ALDH4A1: variants seen among roughly 807,000 people sequenced by gnomAD.
ALDH4A1 encodes aldehyde dehydrogenase 4 family member A1.
ALDH4A1 carries 46 observed loss-of-function variants against 70.5 expected under a neutral mutation model. That is an observed-to-expected ratio of 0.65 (90% CI 0.51 to 0.83). The LOEUF is 0.83. Among genes scored for constraint, ALDH4A1 ranks in the 40% least tolerant of loss-of-function variants. The pLI, the probability that ALDH4A1 is intolerant of heterozygous loss-of-function variation, is 0.00. For missense variants in ALDH4A1, 749 were observed against 766.5 expected (o/e 0.98, Z 0.27); for synonymous variants, 323 against 324.3 (o/e 1.00, Z 0.04).
intron 1 of ALDH4A1, among the ~76,000 whole-genome samples, chr1:18,890,491 G>C (rs1471436834): frequency 1.6e-4 from 25 of 152,178 alleles, no homozygotes; most frequent in Admixed American, 1.6e-3. Flanking sequence ...AGGTTGCAGT[G>C]AGCCGAGATC....
chr1:18,898,832 A>C lies in ALDH4A1; in HGVS notation c.62+3630T>G, dbSNP rs1035150028. ...AGGGCACAGGAGGCAGGCTGCTCCC[A>C]GGGGTGCCACTGCCAAGCACTGCCT... On this transcript the variant is annotated intron_variant, in intron 1 of 14. Coordinates refer to ENST00000375341, the MANE Select transcript of ALDH4A1 (RefSeq NM_003748.4). This position sits in a 1 kb window ranked among gnomAD's most constrained non-coding sequence, Gnocchi z 4.3. 1.3e-5 allele frequency among the ~76,000 whole-genome samples: 2 copies of C among 152,232 alleles called. No individual in the cohort carries two copies. The highest frequency in any genetic ancestry group is 4.8e-5 in the African/African-American group (2 of 41,460).
In ALDH4A1 at chr1:18,898,525, GATC is replaced by G. The variant is rs1935697564; in HGVS notation, c.62+3934_62+3936del. Among the ~76,000 whole-genome samples the G allele has an allele frequency of 6.6e-6, 1 of 152,202 alleles. No homozygotes were observed. Among genetic ancestry groups the G allele is most frequent in the Non-Finnish European group, 1.5e-5 (1 of 68,032 alleles). On this transcript the variant is annotated intron_variant, in intron 1 of 14. Coordinates refer to ENST00000375341, the MANE Select transcript of ALDH4A1 (RefSeq NM_003748.4). The surrounding 1 kb of genome is among the most constrained non-coding windows in gnomAD (Gnocchi z 4.3). ...AGGAAGCCCATTGGTGGGAGAGGGGGATCATCATAACCACAGCAGCACTTACTG... is the reference window on the plus strand; with the variant it reads ...AGGAAGCCCATTGGTGGGAGAGGGGGATCATAACCACAGCAGCACTTACTG...
chr1:18,872,954 G>T lies in ALDH4A1; in HGVS notation c.1583C>A (p.Thr528Asn), dbSNP rs61757683. The T allele has an allele frequency of 0.022, 36,164 of 1,613,640 alleles. 484 individuals carry two copies. The highest frequency in any genetic ancestry group is 0.027 in the Non-Finnish European group (31,373 of 1,179,782). ...GTGTGGGCCCCCTGGCTTGTCATTG[G>T]TTCCTGCGGAAAAGACACTTCTGTT... ...QPFGGARASG[T>N]NDKPGGPHYI... Residue 528 changes from threonine (T) to asparagine (N), a missense_variant, in exon 15 of 15, where the codon ACC (threonine) becomes AAC (asparagine). Coordinates refer to ENST00000375341, the MANE Select transcript of ALDH4A1 (RefSeq NM_003748.4).
At chr1:18,874,723 C>G in intron 13 of ALDH4A1, 142 bp from the exon 14 acceptor site, 1 of 827,638 alleles carries the variant, frequency 1.2e-6, no homozygotes, top group Non-Finnish European at 2.0e-6. Context: ...ATGCTGCCAG[C>G]TGTTGGCTGT....
At position 18,885,622 on chromosome 1, in the gene ALDH4A1, G is replaced by T. The variant is rs765032899; in HGVS notation, c.304C>A (p.Leu102Ile). 3 of 1,613,870 alleles carry T rather than the reference G, an allele frequency of 1.9e-6. No individual in the cohort carries two copies. The highest frequency in any genetic ancestry group is 3.3e-5 in the Admixed American group (2 of 60,010). Residue 102 changes from leucine to isoleucine, a missense_variant, in exon 5 of 15, where the codon CTC (leucine) becomes ATC (isoleucine). Coordinates refer to ENST00000375341, the MANE Select transcript of ALDH4A1 (RefSeq NM_003748.4). Reference protein sequence around the residue: ...AKFCYADKSLLNKAIEAALAA... With the variant: ...AKFCYADKSLINKAIEAALAA... Reference sequence around the variant, plus strand: ...AGGGCAGCCTCAATGGCTTTGTTGAGCAGGCTCTAAAGGGAGAGGGAGAGG... The same window carrying T: ...AGGGCAGCCTCAATGGCTTTGTTGATCAGGCTCTAAAGGGAGAGGGAGAGG...
At chr1:18,892,954 C>CT (rs1419818951) in intron 1 of ALDH4A1, among the ~76,000 whole-genome samples, 2 of 152,250 alleles carry the variant, frequency 1.3e-5, no homozygotes, top group African/African-American at 4.8e-5. Flanking sequence ...TGTCAATCCC[C>CT]TGGGACCATC....
At chr1:18,885,427 T>TACCAACCCCCCCCCCCC in intron 5 of ALDH4A1, 46 bp downstream of exon 5, 1 of 650,922 alleles carries the variant, frequency 1.5e-6, no homozygotes, top group Non-Finnish European at 2.7e-6. Flanking sequence ...CACACCTGAC[T>TACCAACCCCCCCCCCCC]CCCACCCCAC....
At chr1:18,885,434 C>CCA in intron 5 of ALDH4A1, 39 bp downstream of exon 5, 1 of 593,534 alleles carries the variant, frequency 1.7e-6, no homozygotes, top group Non-Finnish European at 3.1e-6. Context: ...GACTCCCACC[C>CCA]CACCCCGCCC....
At position 18,886,452 on chromosome 1, in the gene ALDH4A1, A is replaced by G. The variant is rs1935205316; in HGVS notation, c.297+12T>C. 2 of 1,613,978 alleles carry G rather than the reference A, an allele frequency of 1.2e-6. No homozygotes were observed. Among genetic ancestry groups the G allele is most frequent in the African/African-American group, 2.7e-5 (2 of 74,934 alleles). On this transcript the variant is annotated intron_variant, in intron 4 of 14. Coordinates refer to ENST00000375341, the MANE Select transcript of ALDH4A1 (RefSeq NM_003748.4). ...CCTAACCCCGGGTCACCAGGCACAC[A>G]GGCTCACTCACCTTGTCTGCATAAC...
At chr1:18,891,758 T>C (rs973866045) in intron 1 of ALDH4A1, among the ~76,000 whole-genome samples, 3 of 152,184 alleles carry the variant, frequency 2.0e-5, no homozygotes, top group African/African-American at 7.2e-5. Context: ...CCCGGCATGG[T>C]GGCTCACACC....
chr1:18,902,340 T>C, intron 1 of ALDH4A1, 122 bp downstream of exon 1: 1 of 818,672 alleles, frequency 1.2e-6, no homozygotes, highest in East Asian at 3.5e-5. Context: ...GAACCCGGCG[T>C]TGACCGAGGC....
chr1:18,885,427 T>TACCACCCCCCCCCCCCCCCCCCCCCCCCC, intron 5 of ALDH4A1, 46 bp downstream of exon 5: 1 of 650,922 alleles, frequency 1.5e-6, no homozygotes, highest in East Asian at 3.2e-5. Flanking sequence ...CACACCTGAC[T>TACCACCCCCCCCCCCCCCCCCCCCCCCCC]CCCACCCCAC....
At chr1:18,899,727 A>G (rs1229765780) in intron 1 of ALDH4A1, among the ~76,000 whole-genome samples, 1 of 152,218 alleles carries the variant, frequency 6.6e-6, no homozygotes, top group East Asian at 1.9e-4. Flanking sequence ...TCCACATGAA[A>G]AGTAAATGGC....
At chr1:18,878,986 C>G (rs1401687256) in intron 9 of ALDH4A1, among the ~76,000 whole-genome samples, 4 of 152,334 alleles carry the variant, frequency 2.6e-5, no homozygotes, top group Non-Finnish European at 4.4e-5. Flanking sequence ...CCCGACACGG[C>G]AGCCACCAGC....
At chr1:18,876,692 T>C (rs899769010) in intron 11 of ALDH4A1, among the ~76,000 whole-genome samples, 3 of 151,430 alleles carry the variant, frequency 2.0e-5, no homozygotes, top group African/African-American at 4.9e-5. Context: ...CACACACAAG[T>C]GTACGTGTGT....
intron 1 of ALDH4A1, among the ~76,000 whole-genome samples, chr1:18,891,857 G>A (rs971104430): frequency 2.6e-5 from 4 of 151,934 alleles, no homozygotes; most frequent in African/African-American, 4.8e-5. Context: ...GTAAAACCCC[G>A]TCTCTACTAA....
Position 18,885,427 on chromosome 1 carries a change from T to TTCCCC in ALDH4A1, c.453+45_453+46insGGGGA. On this transcript the variant is annotated intron_variant, in intron 5 of 14. Transcript: ENST00000375341. ...CTGCCATGGGTAGGGCACACCTGAC[T>TTCCCC]CCCACCCCACCCCGCCCCACCCACC... The TTCCCC allele has an allele frequency of 9.5e-5, 62 of 650,918 alleles. 2 individuals carry two copies. Among genetic ancestry groups the TTCCCC allele is most frequent in the Non-Finnish European group, 1.4e-4 (52 of 367,428 alleles). 40.3% of individuals were successfully genotyped at this position (650,918 alleles called of 1,614,324 possible).
chr1:18,889,697 C>A (rs540742951), intron 2 of ALDH4A1, among the ~76,000 whole-genome samples: 2 of 152,196 alleles, frequency 1.3e-5, no homozygotes, highest in Non-Finnish European at 2.9e-5. Flanking sequence ...AAAAACTGCA[C>A]CTGAAACTTA....
intron 1 of ALDH4A1, among the ~76,000 whole-genome samples, chr1:18,896,200 G>T (rs918755606): frequency 2.0e-5 from 3 of 152,040 alleles, no homozygotes; most frequent in African/African-American, 7.2e-5. Flanking sequence ...TGCCCGCCAG[G>T]CCACAGGCTC....
Sources: allele counts gnomAD v4.1 joint callset (sites outside exome capture counted in the v4.1 genomes callset), GRCh38; gene constraint gnomAD v4.1.1; non-coding constraint Gnocchi (gnomAD v3.1); transcripts MANE v1.5; gene names NCBI Gene and HGNC (gene_info 2026-07-23, HGNC 2026-07-21).